The following BTRC variants were observed in gnomAD, a reference collection of about 807,000 sequenced individuals.
The protein encoded by BTRC is beta-transducin repeat containing E3 ubiquitin protein ligase.
A neutral mutation model predicts 85.5 loss-of-function variants in BTRC; 42 were observed. That is an observed-to-expected ratio of 0.49 (90% CI 0.38 to 0.64). BTRC has a LOEUF of 0.64. Among genes scored for constraint, BTRC ranks in the 30% least tolerant of loss-of-function variants. The pLI is 0.00. For synonymous variants in BTRC, 255 were observed against 263.3 expected, an observed-to-expected ratio of 0.97 and a Z score of 0.30; for missense variants, 594 against 743.5, an observed-to-expected ratio of 0.80 and a Z score of 2.34.
intron 1 of BTRC, among the ~76,000 whole-genome samples, chr10:101,372,034 G>A (rs893480604): frequency 1.3e-5 from 2 of 151,870 alleles, no homozygotes; most frequent in Admixed American, 6.6e-5. Context: ...TTCTATTGCA[G>A]GGTCATTTTT....
chr10:101,355,423 T>G (rs770043784), intron 1 of BTRC, among the ~76,000 whole-genome samples: 1 of 152,256 alleles, frequency 6.6e-6, no homozygotes, highest in Non-Finnish European at 1.5e-5. Context: ...GCTGTGCTTA[T>G]CTTTGGCAAA....
chr10:101,518,742 G>A lies in BTRC; in HGVS notation c.325-2897G>A, dbSNP rs749568837. On this transcript the variant is annotated intron_variant, in intron 4 of 14. Coordinates refer to ENST00000370187, the MANE Select transcript of BTRC (RefSeq NM_033637.4). The stretch of plus-strand genomic sequence containing the variant: ...GGCCGACTGCCACCCAGGACCTAGG[G>A]TCTCAAAATTTCCATTGCCTAGACC... Among the ~76,000 whole-genome samples, 23 of 152,080 alleles carry A rather than the reference G, an allele frequency of 1.5e-4. 1 individual carries two copies. The highest frequency in any genetic ancestry group is 2.8e-4 in the Non-Finnish European group (19 of 68,024).
chr10:101,544,589 A>G (rs1004191339), intron 13 of BTRC, among the ~76,000 whole-genome samples: 1 of 151,860 alleles, frequency 6.6e-6, no homozygotes, highest in Non-Finnish European at 1.5e-5. Flanking sequence ...TTATTTTTTT[A>G]GAGATAGGGT....
At chr10:101,392,978 C>G (rs1423287087) in intron 1 of BTRC, among the ~76,000 whole-genome samples, 2 of 152,184 alleles carry the variant, frequency 1.3e-5, no homozygotes, top group Non-Finnish European at 2.9e-5. Flanking sequence ...AGGAAATAGT[C>G]TGTCTCCTGC....
At chr10:101,465,018 G>A (rs533052435) in intron 3 of BTRC, among the ~76,000 whole-genome samples, 45 of 152,204 alleles carry the variant, frequency 3.0e-4, no homozygotes, top group African/African-American at 1.0e-3. Context: ...TTTTAAGGTA[G>A]GACATAGTAT....
intron 4 of BTRC, among the ~76,000 whole-genome samples, chr10:101,504,264 G>GT (rs369741351): frequency 6.2e-4 from 94 of 152,268 alleles, no homozygotes; most frequent in African/African-American, 2.2e-3. Flanking sequence ...TTAAAAAATA[G>GT]TTTTTTATCT....
chr10:101,443,622 A>G (rs552722579), intron 2 of BTRC, among the ~76,000 whole-genome samples: 9 of 152,226 alleles, frequency 5.9e-5, no homozygotes, highest in Non-Finnish European at 8.8e-5. Context: ...AATTTCTTCT[A>G]TGTAATCTTC....
At chr10:101,432,285 T>G (rs929034644) in intron 2 of BTRC, among the ~76,000 whole-genome samples, 3 of 151,936 alleles carry the variant, frequency 2.0e-5, no homozygotes, top group Non-Finnish European at 4.4e-5. Flanking sequence ...ACGACCACAC[T>G]TGGCTCATTT....
chr10:101,532,983 G>C lies in BTRC; in HGVS notation c.1010G>C (p.Arg337Pro). ...IWDKNTLECK[R>P]ILTGHTGSVL... ...GATAAAAACACATTGGAATGCAAGCGAATTCTCACAGGCCATACAGGTTCA... is the reference window on the plus strand; with the variant it reads ...GATAAAAACACATTGGAATGCAAGCCAATTCTCACAGGCCATACAGGTTCA... The change falls in exon 9 of 15, where the codon CGA becomes CCA. Residue 337 changes from arginine to proline, a missense_variant. Arg to Pro is a moderately radical substitution (Grantham distance 103, BLOSUM62 -2). Coordinates refer to ENST00000370187, the MANE Select transcript of BTRC (RefSeq NM_033637.4). 6.2e-7 allele frequency: 1 copy of C among 1,612,998 alleles called. No homozygotes were observed. The highest frequency in any genetic ancestry group is 8.5e-7 in the Non-Finnish European group (1 of 1,179,432).
intron 1 of BTRC, among the ~76,000 whole-genome samples, chr10:101,369,178 T>C (rs1942563045): frequency 6.6e-6 from 1 of 152,160 alleles, no homozygotes; most frequent in South Asian, 2.1e-4. Context: ...TTGAAGTGTT[T>C]ATTCAAGTCT....
intron 4 of BTRC, among the ~76,000 whole-genome samples, chr10:101,517,097 A>G (rs1432036125): frequency 2.0e-5 from 3 of 152,194 alleles, no homozygotes; most frequent in Non-Finnish European, 4.4e-5. Flanking sequence ...TTACACAAAA[A>G]GCAGCCCTAA....
At chr10:101,378,513 A>C (rs1306266218) in intron 1 of BTRC, among the ~76,000 whole-genome samples, 2 of 144,666 alleles carry the variant, frequency 1.4e-5, no homozygotes, top group African/African-American at 4.9e-5. Flanking sequence ...ATAGGCTCCC[A>C]ATTATAATTT....
chr10:101,532,408 C>A lies in BTRC; in HGVS notation c.954C>A (p.Ser318Arg). ...AGTATGATGATCAGAAAATAGTAAG[C>A]GGCCTTCGAGACAACACAATCAAGG... is the stretch of plus-strand genomic sequence containing the variant. Reference protein sequence around the residue: ...CLQYDDQKIVSGLRDNTIKIW... With the variant: ...CLQYDDQKIVRGLRDNTIKIW... Residue 318 changes from serine (S) to arginine (R), a missense_variant, in exon 8 of 15, where the codon AGC becomes AGA. By Grantham distance (110) the Ser-to-Arg change is moderately radical. Transcript: ENST00000370187. 6.2e-7 allele frequency: 1 copy of A among 1,611,172 alleles called. No homozygotes were observed. Among genetic ancestry groups the A allele is most frequent in the Non-Finnish European group, 8.5e-7 (1 of 1,178,978 alleles).
At chr10:101,531,441 G>A (rs2062279802) in intron 7 of BTRC, 108 bp downstream of exon 7, 4 of 831,648 alleles carry the variant, frequency 4.8e-6, no homozygotes, top group Admixed American at 5.3e-5. Flanking sequence ...GACATGAGTT[G>A]GGAATCAATC....
intron 3 of BTRC, among the ~76,000 whole-genome samples, chr10:101,473,584 C>G (rs954986247): frequency 1.1e-4 from 17 of 151,324 alleles, no homozygotes; most frequent in African/African-American, 4.1e-4. Context: ...GATTCTCCTC[C>G]CTCTGCCTCC....
intron 3 of BTRC, among the ~76,000 whole-genome samples, chr10:101,475,948 TA>T (rs1945672389): frequency 3.8e-5 from 5 of 132,278 alleles, no homozygotes; most frequent in African/African-American, 1.2e-4. Flanking sequence ...TATATATATA[TA>T]TATATTCAGT....
At chr10:101,359,324 C>CT (rs1942133577) in intron 1 of BTRC, among the ~76,000 whole-genome samples, 1 of 152,164 alleles carries the variant, frequency 6.6e-6, no homozygotes, top group African/African-American at 2.4e-5. Flanking sequence ...TTTGTGTATA[C>CT]TTTACCTATT....
intron 4 of BTRC, among the ~76,000 whole-genome samples, chr10:101,482,401 T>G (rs912410469): frequency 2.2e-4 from 31 of 143,650 alleles, no homozygotes; most frequent in African/African-American, 7.9e-4. Context: ...TTCTTTTTTT[T>G]TTTTTTTTTT....
chr10:101,495,752 A>G (rs1304488317), intron 4 of BTRC, among the ~76,000 whole-genome samples: 1 of 152,206 alleles, frequency 6.6e-6, no homozygotes, highest in Non-Finnish European at 1.5e-5. Flanking sequence ...TGTGAATACA[A>G]TCATAGTGAA....
Sources: allele counts gnomAD v4.1 joint callset (sites outside exome capture counted in the v4.1 genomes callset), GRCh38; gene constraint gnomAD v4.1.1; transcripts MANE v1.5; gene names NCBI Gene and HGNC (gene_info 2026-07-23, HGNC 2026-07-21).